Variants in NAALADL2 observed in about 807,000 individuals in gnomAD.
NAALADL2 encodes the protein inactive N-acetylated-alpha-linked acidic dipeptidase-like protein 2.
NAALADL2 carries 76 observed loss-of-function variants against 87.2 expected under a neutral mutation model. That is an observed-to-expected ratio of 0.87 (90% confidence interval 0.72 to 1.05). The LOEUF (loss-of-function observed/expected upper bound fraction) is 1.05. NAALADL2 is among the 50% of genes least tolerant of loss of function. The pLI, the probability that NAALADL2 is intolerant of heterozygous loss-of-function variation, is 0.00. For missense variants in NAALADL2, 1,089 were observed against 945.8 expected (o/e 1.15, Z -1.99); for synonymous variants, 354 against 331.0 (o/e 1.07, Z -0.75).
chr3:175,617,180 C>T lies in NAALADL2; in HGVS notation c.1801-10111C>T, dbSNP rs1725464183. 2.0e-5 allele frequency among the ~76,000 whole-genome samples: 3 copies of T among 152,276 alleles called. No homozygotes were observed. The South Asian group carries it at 6.2e-4, about 32-fold the overall frequency. ...AAAGGCTTTCCTGAGATGTCACTCA[C>T]AGTCATGCTAAGGGAGGAGGGGAGG... On this transcript the variant is annotated intron_variant, in intron 10 of 13. Coordinates refer to ENST00000454872, the MANE Select transcript of NAALADL2 (RefSeq NM_207015.3).
intron 11 of NAALADL2, among the ~76,000 whole-genome samples, chr3:175,683,987 CTGTT>C (rs1582885348): frequency 1.3e-5 from 2 of 152,088 alleles, no homozygotes; most frequent in East Asian, 3.9e-4. Flanking sequence ...AAGTTTATTA[CTGTT>C]TGTTGTAACA....
chr3:175,376,139 C>A (rs559508525), intron 5 of NAALADL2, among the ~76,000 whole-genome samples: 3 of 152,050 alleles, frequency 2.0e-5, no homozygotes, highest in South Asian at 4.1e-4. Flanking sequence ...TTTATACAGC[C>A]AACTATCTTT....
At chr3:175,598,980 G>A (rs938653226) in intron 10 of NAALADL2, among the ~76,000 whole-genome samples, 1 of 152,044 alleles carries the variant, frequency 6.6e-6, no homozygotes, top group Non-Finnish European at 1.5e-5. Context: ...ACATTGTTTG[G>A]ATCCTTCTTT....
intron 1 of NAALADL2, among the ~76,000 whole-genome samples, chr3:174,457,805 C>T (rs3961800): frequency 2.0e-5 from 3 of 146,984 alleles, no homozygotes; most frequent in East Asian, 2.2e-4. Flanking sequence ...GGTGAGACTC[C>T]GTCTCAAAAA....
At chr3:174,703,049 A>G (rs576471926) in intron 2 of NAALADL2, among the ~76,000 whole-genome samples, 18 of 152,364 alleles carry the variant, frequency 1.2e-4, no homozygotes, top group African/African-American at 3.8e-4. Flanking sequence ...GTAAGTCTCT[A>G]TCAATACAGA....
chr3:175,000,466 A>G (rs1227449764), intron 1 of NAALADL2, among the ~76,000 whole-genome samples: 1 of 152,198 alleles, frequency 6.6e-6, no homozygotes, highest in East Asian at 1.9e-4. Context: ...GCTCAAGAGT[A>G]GCCATACATG....
intron 3 of NAALADL2, among the ~76,000 whole-genome samples, chr3:174,778,600 G>A (rs889543183): frequency 6.6e-5 from 10 of 151,948 alleles, no homozygotes; most frequent in Admixed American, 5.9e-4. Flanking sequence ...TCTACATTGT[G>A]TATGTCTCCT....
chr3:175,375,675 G>T (rs762985963), intron 5 of NAALADL2, among the ~76,000 whole-genome samples: 3 of 152,020 alleles, frequency 2.0e-5, no homozygotes, highest in Non-Finnish European at 4.4e-5. Context: ...AGGGAGTTTT[G>T]TGTAGATAAT....
intron 1 of NAALADL2, among the ~76,000 whole-genome samples, chr3:174,905,402 T>C (rs1164399513): frequency 1.3e-5 from 2 of 150,484 alleles, no homozygotes; most frequent in Non-Finnish European, 3.0e-5. Context: ...TTTTATAAAG[T>C]TGATCATAAG....
intron 4 of NAALADL2, among the ~76,000 whole-genome samples, chr3:175,301,984 A>T (rs1312504376): frequency 1.3e-5 from 2 of 152,142 alleles, no homozygotes; most frequent in Non-Finnish European, 1.5e-5. Context: ...GGCATGAGGG[A>T]TGGTTTAATT....
At chr3:175,539,228 C>T (rs1367926642) in intron 9 of NAALADL2, among the ~76,000 whole-genome samples, 3 of 152,058 alleles carry the variant, frequency 2.0e-5, no homozygotes, top group Non-Finnish European at 2.9e-5. Context: ...GGTAATTCCC[C>T]AAAATACCAC....
At chr3:174,556,235 G>GA (rs1303915403) in intron 2 of NAALADL2, among the ~76,000 whole-genome samples, 1 of 152,080 alleles carries the variant, frequency 6.6e-6, no homozygotes, top group Non-Finnish European at 1.5e-5. Context: ...GCCATGATGG[G>GA]AAGTGGAATG....
intron 3 of NAALADL2, among the ~76,000 whole-genome samples, chr3:174,820,223 C>A (rs912604902): frequency 6.6e-6 from 1 of 152,062 alleles, no homozygotes; most frequent in African/African-American, 2.4e-5. Context: ...AGTCTCACAG[C>A]AAAATTTGGT....
chr3:174,751,272 T>C (rs552987842), intron 3 of NAALADL2, among the ~76,000 whole-genome samples: 14 of 152,236 alleles, frequency 9.2e-5, no homozygotes, highest in African/African-American at 3.4e-4. Flanking sequence ...TAGTCCAAAA[T>C]TGTTATGAAA....
At chr3:174,661,287 G>A (rs1346423973) in intron 2 of NAALADL2, among the ~76,000 whole-genome samples, 1 of 152,044 alleles carries the variant, frequency 6.6e-6, no homozygotes, top group Non-Finnish European at 1.5e-5. Context: ...TATTATTACT[G>A]AACTCATAAC....
intron 1 of NAALADL2, among the ~76,000 whole-genome samples, chr3:174,981,673 A>T (rs1256110971): frequency 1.3e-5 from 2 of 152,088 alleles, no homozygotes; most frequent in Admixed American, 6.6e-5. Flanking sequence ...GGATCATGAT[A>T]AAAAAACCCC....
intron 9 of NAALADL2, among the ~76,000 whole-genome samples, chr3:175,527,263 C>T (rs768244406): frequency 6.6e-6 from 1 of 152,118 alleles, no homozygotes; most frequent in Non-Finnish European, 1.5e-5. Flanking sequence ...GGCATATTTA[C>T]CTGCCGTCAT....
chr3:175,317,722 G>T (rs908337274), intron 4 of NAALADL2, among the ~76,000 whole-genome samples: 1 of 152,046 alleles, frequency 6.6e-6, no homozygotes, highest in Non-Finnish European at 1.5e-5. Flanking sequence ...TACAGAAATA[G>T]GTTTAACTTG....
intron 11 of NAALADL2, among the ~76,000 whole-genome samples, chr3:175,668,270 G>T (rs1039712010): frequency 3.9e-5 from 6 of 152,112 alleles, no homozygotes; most frequent in African/African-American, 1.2e-4. Context: ...AATTTTAGGG[G>T]CTGTAGCTAT....
Sources: gnomAD v4.1 joint callset for allele counts (sites outside exome capture counted in the v4.1 genomes callset) on GRCh38, gnomAD v4.1.1 for gene constraint, MANE v1.5 for transcripts, NCBI Gene and HGNC (gene_info 2026-07-23, HGNC 2026-07-21) for gene names.